MIDEAS: variants seen among roughly 807,000 people sequenced by gnomAD.
MIDEAS encodes the protein mitotic deacetylase associated SANT domain protein, also known as mitotic deacetylase-associated SANT domain protein.
In MIDEAS, 26 loss-of-function variants were observed where a neutral mutation model predicts 102.7. The ratio of observed to expected loss-of-function variants is 0.25; its 90% confidence interval spans 0.19 to 0.35. MIDEAS has a LOEUF of 0.35. Ranked by LOEUF, MIDEAS falls within the 10% of genes least tolerant of loss-of-function variation. The probability of loss-of-function intolerance (pLI) is 1.00; values close to 1 mark genes in which losing one functional copy is unlikely to be tolerated. For synonymous variants in MIDEAS, 585 were observed against 591.0 expected (o/e 0.99, Z 0.15); for missense variants, 1,231 against 1,435.6 (o/e 0.86, Z 2.30).
intron 9 of MIDEAS, chr14:73,723,916 CCT>C (rs1468976274): frequency 2.6e-5 from 4 of 152,312 alleles, no homozygotes; most frequent in Non-Finnish European, 5.9e-5. Context: ...CACAGTGTCC[CCT>C]GTCGGGGGAG....
Position 73,721,374 on chromosome 14 carries a change from C to T in MIDEAS, c.2860G>A (p.Glu954Lys). The T allele has an allele frequency of 6.2e-7, 1 of 1,614,074 alleles. No individual in the cohort carries two copies. The highest frequency in any genetic ancestry group is 8.5e-7 in the Non-Finnish European group (1 of 1,179,962). The change falls in exon 11 of 13, where the codon GAG becomes AAG. Residue 954 changes from glutamate to lysine, a missense_variant. Around this residue, in one of 5 missense-constraint regions of MIDEAS, gnomAD observed 391 missense variants for 483.0 expected, o/e 0.81. Coordinates refer to ENST00000423556, the MANE Select transcript of MIDEAS (RefSeq NM_001367710.1). ...EEVPEIQEKEEQEEGRERSRR... is the reference protein window; with the variant it reads ...EEVPEIQEKEKQEEGRERSRR... Reference sequence around the variant, plus strand: ...CTGCGCTCTCGCCCCTCTTCCTGCTCCTCCTTCTCTTGGATCTCTGGCACC... The same window carrying T: ...CTGCGCTCTCGCCCCTCTTCCTGCTTCTCCTTCTCTTGGATCTCTGGCACC...
rs757966332 is a variant in MIDEAS, at chr14:73,737,146, C to T, written c.1601G>A (p.Arg534Gln). The T allele has an allele frequency of 1.8e-5, 29 of 1,613,848 alleles. No homozygotes were observed. Among genetic ancestry groups the T allele is most frequent in the Non-Finnish European group, 2.3e-5 (27 of 1,179,972 alleles). ...PLIIPVSVPV[R>Q]TVDPTEAAQA... is the part of the protein sequence containing the mutation. Reference sequence around the variant, plus strand: ...GGCTGCCTCAGTTGGGTCCACAGTTCGCACAGGCACAGACACTGGGATGAT... The same window carrying T: ...GGCTGCCTCAGTTGGGTCCACAGTTTGCACAGGCACAGACACTGGGATGAT... Residue 534 changes from arginine (R) to glutamine (Q), a missense_variant, in exon 3 of 13, where the codon CGA (arginine) becomes CAA (glutamine). Physicochemically the swap from Arg to Gln is conservative, Grantham distance 43. Around this residue, in one of 5 missense-constraint regions of MIDEAS, gnomAD observed 758 missense variants for 856.0 expected, o/e 0.89. Transcript: ENST00000423556.
intron 1 of MIDEAS, among the ~76,000 whole-genome samples, chr14:73,773,490 G>C (rs891741501): frequency 6.6e-6 from 1 of 151,716 alleles, no homozygotes; most frequent in African/African-American, 2.4e-5. Flanking sequence ...CCCCTCCCTG[G>C]ACATCAACCC....
At chr14:73,787,576 A>C (rs2053829112), upstream of MIDEAS, 1 of 152,316 alleles carries the variant, frequency 6.6e-6, no homozygotes, top group South Asian at 2.1e-4. Context: ...ACACCAGTAC[A>C]CAAACAAAGC....
intron 1 of MIDEAS, among the ~76,000 whole-genome samples, chr14:73,741,245 G>A (rs562481320): frequency 1.3e-5 from 2 of 152,292 alleles, no homozygotes; most frequent in East Asian, 1.9e-4. Context: ...TTTTTGTTTC[G>A]TAACTTGATT....
intron 7 of MIDEAS, 57 bp from the exon 8 acceptor site, chr14:73,726,165 G>C: frequency 7.3e-7 from 1 of 1,367,796 alleles, no homozygotes; most frequent in African/African-American, 1.4e-5. Flanking sequence ...GTGGTGGACG[G>C]AGCATTCTAG....
At chr14:73,734,078 G>A (rs1008301821) in intron 3 of MIDEAS, among the ~76,000 whole-genome samples, 5 of 150,510 alleles carry the variant, frequency 3.3e-5, no homozygotes, top group South Asian at 4.2e-4. Flanking sequence ...TCTGCCTCCC[G>A]GGTTCAAGCG....
Position 73,725,351 on chromosome 14 carries a change from T to G in MIDEAS, c.2495A>C (p.Gln832Pro). 1 of 1,613,894 alleles carries G rather than the reference T, an allele frequency of 6.2e-7. No individual in the cohort carries two copies. The highest frequency in any genetic ancestry group is 8.5e-7 in the Non-Finnish European group (1 of 1,179,848). The part of the protein sequence containing the change: ...LATYHYTGSD[Q>P]WKMAERKLFN... ...CAGCTTCCTCTCGGCCATCTTCCAC[T>G]GGTCAGAGCCTATGGGGCAAAGAGG... The change falls in exon 9 of 13, where the codon CAG becomes CCG. Residue 832 changes from glutamine (Q) to proline (P), a missense_variant. By Grantham distance (76) the Gln-to-Pro change is moderately conservative. This residue lies in a region of MIDEAS where 391 missense variants were observed against 483.0 expected (regional missense o/e 0.81). Transcript: ENST00000423556. This position sits in a 1 kb window ranked among gnomAD's most constrained non-coding sequence, Gnocchi z 4.1.
chr14:73,777,450 T>C (rs1211196511), intron 1 of MIDEAS, among the ~76,000 whole-genome samples: 3 of 152,052 alleles, frequency 2.0e-5, no homozygotes, highest in Non-Finnish European at 2.9e-5. Context: ...ACCTGAGCTA[T>C]GCCAGCATCT....
chr14:73,751,729 T>C (rs55951660), intron 1 of MIDEAS, among the ~76,000 whole-genome samples: 2,652 of 152,200 alleles, frequency 0.017, 57 homozygotes, highest in African/African-American at 0.057. Context: ...GGAGAAACTC[T>C]GTCTCTACTA....
In MIDEAS at chr14:73,719,365, G is replaced by A; in HGVS notation, c.3074C>T (p.Thr1025Ile). The part of the protein sequence containing the change: ...ALPFSEKKKK[T>I]ETFSKTQNQE... ...ATTCTGGGTCTTACTGAATGTCTCT[G>A]TTTTTTTCTTCTTCTCTGAAAAAGG... Residue 1025 changes from threonine (T) to isoleucine (I), a missense_variant, in exon 12 of 13, where the codon ACA (threonine) becomes ATA (isoleucine). Thr to Ile is a moderately conservative substitution (Grantham distance 89, BLOSUM62 -1). Around this residue, in one of 5 missense-constraint regions of MIDEAS, gnomAD observed 391 missense variants for 483.0 expected, o/e 0.81. Transcript: ENST00000423556. 1.2e-6 allele frequency: 2 copies of A among 1,613,888 alleles called. No individual in the cohort carries two copies. Among genetic ancestry groups the A allele is most frequent in the Non-Finnish European group, 1.7e-6 (2 of 1,179,954 alleles).
chr14:73,773,528 A>G (rs981846010), intron 1 of MIDEAS, among the ~76,000 whole-genome samples: 1 of 151,854 alleles, frequency 6.6e-6, no homozygotes, highest in African/African-American at 2.4e-5. Context: ...GGTTTCTCCA[A>G]GCTGATCTTC....
At chr14:73,752,663 C>A (rs934764143) in intron 1 of MIDEAS, among the ~76,000 whole-genome samples, 6 of 152,176 alleles carry the variant, frequency 3.9e-5, no homozygotes, top group African/African-American at 1.4e-4. Flanking sequence ...GACAGACGCC[C>A]ATTTGACTCC....
rs151252960 is a variant in MIDEAS at position 73,742,746 on chromosome 14, G to C, written c.-247-2491C>G. Among the ~76,000 whole-genome samples, 697 of 152,312 alleles carry C rather than the reference G, an allele frequency of 4.6e-3. 3 individuals carry two copies. Among genetic ancestry groups the C allele is most frequent in the African/African-American group, 0.016 (650 of 41,562 alleles). On this transcript the variant is annotated intron_variant, in intron 1 of 12. Transcript: ENST00000423556. This position sits in a 1 kb window ranked among gnomAD's most constrained non-coding sequence, Gnocchi z 4.4. ...CTCACCGAAGAGCTAAGGGTGCCAG[G>C]GGCACAGACAGTCAGGCCTGGGACC...
chr14:73,719,131 C>G, intron 12 of MIDEAS, 123 bp from the exon 13 acceptor site: 1 of 1,461,934 alleles, frequency 6.8e-7, no homozygotes. Context: ...CCGGCCAGCT[C>G]GCGTCATTTT....
At chr14:73,764,339 CAAAAAAAAAAAAAAAA>C (rs5809629), upstream of MIDEAS, among the ~76,000 whole-genome samples, 1 of 88,256 alleles carries the variant, frequency 1.1e-5, no homozygotes, top group South Asian at 4.0e-4. Context: ...GACCCTGTCT[CAAAAAAAAAAAAAAAA>C]AAAAAAAACA....
chr14:73,761,405 C>G (rs2053553445), upstream of MIDEAS, among the ~76,000 whole-genome samples: 1 of 152,224 alleles, frequency 6.6e-6, no homozygotes, highest in South Asian at 2.1e-4. Context: ...GGGGGCATGG[C>G]TTTCCTGTCC....
intron 11 of MIDEAS, among the ~76,000 whole-genome samples, 183 bp from the exon 12 acceptor site, chr14:73,719,684 T>C (rs2052956999): frequency 6.6e-6 from 1 of 151,696 alleles, no homozygotes; most frequent in Non-Finnish European, 1.5e-5. Flanking sequence ...GCATCTCTGG[T>C]CAGCTCTATC....
intron 1 of MIDEAS, among the ~76,000 whole-genome samples, chr14:73,769,913 T>G (rs2053627262): frequency 1.5e-5 from 2 of 137,228 alleles, no homozygotes; most frequent in South Asian, 2.2e-4. Context: ...TTTTTTTTTT[T>G]GTTTTTTTTT....
Sources: gnomAD v4.1 joint callset for allele counts (sites outside exome capture counted in the v4.1 genomes callset) on GRCh38, gnomAD v4.1.1 for gene constraint, gnomAD v4.1.1 regional missense constraint, Gnocchi (gnomAD v3.1) non-coding constraint, MANE v1.5 for transcripts, NCBI Gene and HGNC (gene_info 2026-07-23, HGNC 2026-07-21) for gene names.